Variants in PALS1 observed in about 807,000 individuals in gnomAD.
PALS1 encodes the protein protein associated with LIN7 1, MAGUK p55 family member.
A neutral mutation model predicts 78.9 loss-of-function variants in PALS1; 31 were observed. The observed-to-expected ratio is 0.39, with a 90% CI of 0.30 to 0.53. PALS1 has a LOEUF of 0.53. PALS1 is among the 20% of genes least tolerant of loss of function. PALS1 has a pLI of 0.67. For missense variants in PALS1, 704 were observed against 826.5 expected, an observed-to-expected ratio of 0.85 and a Z score of 1.82; for synonymous variants, 276 against 270.9, an observed-to-expected ratio of 1.02 and a Z score of -0.18.
intron 1 of PALS1, among the ~76,000 whole-genome samples, chr14:67,253,494 T>G (rs2084095551): frequency 6.6e-6 from 1 of 152,210 alleles, no homozygotes; most frequent in South Asian, 2.1e-4. Flanking sequence ...CAAGAATTAC[T>G]CTGGGGTGTT....
At chr14:67,265,702 C>T (rs1321733710) in intron 1 of PALS1, among the ~76,000 whole-genome samples, 2 of 151,828 alleles carry the variant, frequency 1.3e-5, no homozygotes, top group African/African-American at 4.8e-5. Context: ...ACTAAAAATA[C>T]AAAAATTAAC....
intron 9 of PALS1, among the ~76,000 whole-genome samples, chr14:67,315,917 T>C (rs1241750467): frequency 6.6e-6 from 1 of 152,240 alleles, no homozygotes; most frequent in East Asian, 1.9e-4. Flanking sequence ...AGAGCGAGAC[T>C]TCGTCTCAAA....
rs769971160 is a variant in PALS1, at chr14:67,316,893, A to G, written c.1287A>G (p.Pro429=). The G allele has an allele frequency of 6.2e-7, 1 of 1,611,600 alleles. No homozygotes were observed. The highest frequency in any genetic ancestry group is 1.7e-5 in the Admixed American group (1 of 59,900). Reference sequence around the variant, plus strand: ...AAACCATAGAAGAAGATAAGGAGCCAGAAAAATCAGGTTAGACACTTGTAT... The same window carrying G: ...AAACCATAGAAGAAGATAAGGAGCCGGAAAAATCAGGTTAGACACTTGTAT... The part of the protein sequence containing the change: ...MKQTIEEDKE[P]EKSGKLWCAK... The change falls in exon 10 of 15, where the codon CCA becomes CCG. Residue 429 remains proline (P), a synonymous_variant. Transcript: ENST00000261681.
chr14:67,278,752 T>C (rs1026148614), intron 2 of PALS1, among the ~76,000 whole-genome samples: 4 of 152,238 alleles, frequency 2.6e-5, no homozygotes, highest in Non-Finnish European at 4.4e-5. Flanking sequence ...CCTACTTTGC[T>C]AAACTTTCCA....
intron 1 of PALS1, among the ~76,000 whole-genome samples, chr14:67,256,953 G>A (rs908804318): frequency 1.3e-5 from 2 of 152,142 alleles, no homozygotes; most frequent in Admixed American, 6.6e-5. Flanking sequence ...GGCTAAGGAC[G>A]CGGCTGTGAC....
rs896432603 is a variant in PALS1 at position 67,244,161 on chromosome 14, A to G, written c.-237+2628A>G. The stretch of plus-strand genomic sequence containing the variant: ...TAACTGCAATTCATTCCCCTACTGA[A>G]GAATTTTCAGTTTTTTAATATTTCA... On this transcript the variant is annotated intron_variant, in intron 1 of 14. Coordinates refer to ENST00000261681, the MANE Select transcript of PALS1 (RefSeq NM_022474.4). Among the ~76,000 whole-genome samples the G allele has an allele frequency of 4.6e-4, 70 of 152,322 alleles. No individual in the cohort carries two copies. In the Middle Eastern group the frequency reaches 0.01, roughly 22 times the overall value.
At chr14:67,303,800 A>G (rs1299308581) in intron 8 of PALS1, among the ~76,000 whole-genome samples, 1 of 151,594 alleles carries the variant, frequency 6.6e-6, no homozygotes, top group Admixed American at 6.6e-5. Context: ...TGGAATCTCC[A>G]TCTGTTGCCC....
At chr14:67,244,372 G>A (rs2083953891) in intron 1 of PALS1, among the ~76,000 whole-genome samples, 1 of 152,196 alleles carries the variant, frequency 6.6e-6, no homozygotes, top group South Asian at 2.1e-4. Context: ...CCTGCAAACA[G>A]TATGAGTGAC....
chr14:67,325,511 T>C (rs2085339043), intron 14 of PALS1, among the ~76,000 whole-genome samples: 2 of 152,122 alleles, frequency 1.3e-5, no homozygotes, highest in Non-Finnish European at 1.5e-5. Context: ...ACAAAGGAAA[T>C]AGGCAGCATG....
chr14:67,308,254 G>A (rs7155905), intron 8 of PALS1, among the ~76,000 whole-genome samples: 2,302 of 148,396 alleles, frequency 0.016, 27 homozygotes, highest in Non-Finnish European at 0.024. Flanking sequence ...AAAAGTCAGT[G>A]TAAAAAGTAT....
At chr14:67,256,797 GAC>G (rs10654145) in intron 1 of PALS1, among the ~76,000 whole-genome samples, 84 of 147,360 alleles carry the variant, frequency 5.7e-4, no homozygotes, top group Non-Finnish European at 6.3e-4. Context: ...AGAAACTATT[GAC>G]ACACACACAC....
rs560168485 is a variant in PALS1 at position 67,279,318 on chromosome 14, A to G, written c.148A>G (p.Ile50Val). The G allele has an allele frequency of 6.8e-6, 11 of 1,613,878 alleles. No individual in the cohort carries two copies. The highest frequency in any genetic ancestry group is 1.7e-5 in the Admixed American group (1 of 59,984). ...AGATTTGGGCACCAGGATGATGCCA[A>G]TACGTCGAAGTGCACAGTTGGAGCG... ...PGDLGTRMMP[I>V]RRSAQLERIR... The change falls in exon 3 of 15, where the codon ATA (isoleucine) becomes GTA (valine). Residue 50 changes from isoleucine to valine, a missense_variant. Coordinates refer to ENST00000261681, the MANE Select transcript of PALS1 (RefSeq NM_022474.4).
At chr14:67,287,010 G>T (rs2084700757) in intron 3 of PALS1, among the ~76,000 whole-genome samples, 1 of 152,196 alleles carries the variant, frequency 6.6e-6, no homozygotes, top group Non-Finnish European at 1.5e-5. Context: ...TTGAGTCCAG[G>T]AGTTCAAGAC....
chr14:67,277,349 C>G (rs1318914), intron 2 of PALS1, among the ~76,000 whole-genome samples: 23,540 of 152,064 alleles, frequency 0.15, 3,434 homozygotes, highest in East Asian at 0.42. Flanking sequence ...AACTGGCATC[C>G]ATTTTCCTGA....
At chr14:67,276,511 C>A (rs1258346562) in intron 2 of PALS1, among the ~76,000 whole-genome samples, 1 of 152,060 alleles carries the variant, frequency 6.6e-6, no homozygotes, top group Non-Finnish European at 1.5e-5. Context: ...TTGTGACATT[C>A]CAAGTTGAGT....
chr14:67,269,120 A>C (rs535694804), intron 1 of PALS1, among the ~76,000 whole-genome samples: 3 of 152,244 alleles, frequency 2.0e-5, no homozygotes, highest in African/African-American at 7.2e-5. Flanking sequence ...AGAATCATAC[A>C]GTATGTGGTC....
At position 67,279,178 on chromosome 14, in the gene PALS1, C is replaced by T. The variant is rs745920050; in HGVS notation, c.8C>T (p.Thr3Ile). 1.3e-5 allele frequency: 20 copies of T among 1,585,116 alleles called. No homozygotes were observed. Among genetic ancestry groups the T allele is most frequent in the Non-Finnish European group, 1.6e-5 (19 of 1,168,608 alleles). MTTSHMNGHVTEE... is the reference protein window; with the variant it reads MTISHMNGHVTEE... Reference sequence around the variant, plus strand: ...AGGTTTTCATAGATAACCATGACAACATCCCATATGAATGGGCATGTTACA... The same window carrying T: ...AGGTTTTCATAGATAACCATGACAATATCCCATATGAATGGGCATGTTACA... The change falls in exon 3 of 15, where the codon ACA becomes ATA. Residue 3 changes from threonine to isoleucine, a missense_variant. By Grantham distance (89) the Thr-to-Ile change is moderately conservative (BLOSUM62 -1). Transcript: ENST00000261681.
chr14:67,274,335 A>C (rs149575585), intron 2 of PALS1, among the ~76,000 whole-genome samples: 2 of 152,150 alleles, frequency 1.3e-5, no homozygotes, highest in Admixed American at 6.5e-5. Context: ...TCAGCTTTCT[A>C]CATATGCCTA....
chr14:67,244,192 T>C (rs1157018544), intron 1 of PALS1, among the ~76,000 whole-genome samples: 1 of 152,250 alleles, frequency 6.6e-6, no homozygotes, highest in East Asian at 1.9e-4. Context: ...TTTCAAACAA[T>C]GTTTAATGAA....
Sources: allele counts gnomAD v4.1 joint callset (sites outside exome capture counted in the v4.1 genomes callset), GRCh38; gene constraint gnomAD v4.1.1; transcripts MANE v1.5; gene names NCBI Gene and HGNC (gene_info 2026-07-23, HGNC 2026-07-21).